The following ST6GALNAC3 variants were observed in gnomAD, a reference collection of about 807,000 sequenced individuals.
ST6GALNAC3 encodes the protein ST6 N-acetylgalactosaminide alpha-2,6-sialyltransferase 3.
ST6GALNAC3 carries 25 observed loss-of-function variants against 32.7 expected under a neutral mutation model. The ratio of observed to expected loss-of-function variants is 0.76; its 90% CI spans 0.56 to 1.07. The LOEUF (loss-of-function observed/expected upper bound fraction) is 1.07. ST6GALNAC3 is among the 50% of genes least tolerant of loss of function. The pLI is 0.00. For missense variants in ST6GALNAC3, 355 were observed against 382.4 expected (o/e 0.93, Z 0.60); for synonymous variants, 129 against 133.1 (o/e 0.97, Z 0.21).
intron 2 of ST6GALNAC3, among the ~76,000 whole-genome samples, chr1:76,405,874 C>A (rs1034478022): frequency 6.6e-6 from 1 of 151,802 alleles, no homozygotes; most frequent in Non-Finnish European, 1.5e-5. Flanking sequence ...ATATTGTTTA[C>A]AAACAAGGAA....
chr1:76,199,009 A>G lies in ST6GALNAC3; in HGVS notation c.19-114796A>G, dbSNP rs76124865. Among the ~76,000 whole-genome samples, 1,316 of 151,850 alleles carry G rather than the reference A, an allele frequency of 8.7e-3. 13 individuals are homozygous for G. Among genetic ancestry groups the G allele is most frequent in the Middle Eastern group, 0.024 (7 of 292 alleles). On this transcript the variant is annotated intron_variant, in intron 1 of 4. Transcript: ENST00000328299. Reference sequence around the variant, plus strand: ...TGAAGAGGAGATTTCAGAGGAGGAAATCTAGGATGTGGCAGTGTCAGACAA... The same window carrying G: ...TGAAGAGGAGATTTCAGAGGAGGAAGTCTAGGATGTGGCAGTGTCAGACAA...
At chr1:76,138,348 GT>G (rs534714397) in intron 1 of ST6GALNAC3, among the ~76,000 whole-genome samples, 6 of 151,932 alleles carry the variant, frequency 3.9e-5, no homozygotes, top group East Asian at 1.9e-4. Flanking sequence ...TTCCTTGAAA[GT>G]TTTTTTTCTT....
intron 1 of ST6GALNAC3, among the ~76,000 whole-genome samples, chr1:76,287,643 C>A (rs866340778): frequency 6.6e-6 from 1 of 152,096 alleles, no homozygotes; most frequent in South Asian, 2.1e-4. Flanking sequence ...TAGCCTAAAT[C>A]GCAGGCATTA....
chr1:76,440,115 C>T (rs1039339599), intron 3 of ST6GALNAC3, among the ~76,000 whole-genome samples: 4 of 152,118 alleles, frequency 2.6e-5, no homozygotes, highest in African/African-American at 9.7e-5. Flanking sequence ...GGACTTTTTA[C>T]AAGGCAAATG....
At chr1:76,281,804 T>G (rs1356101506) in intron 1 of ST6GALNAC3, among the ~76,000 whole-genome samples, 1 of 152,206 alleles carries the variant, frequency 6.6e-6, no homozygotes, top group Non-Finnish European at 1.5e-5. Flanking sequence ...TCATGTGACC[T>G]GGATTCATTA....
intron 2 of ST6GALNAC3, among the ~76,000 whole-genome samples, chr1:76,342,045 T>A (rs976453668): frequency 8.5e-5 from 13 of 152,200 alleles, no homozygotes; most frequent in Admixed American, 1.3e-4. Context: ...GAACTCATCC[T>A]TTTTAATGGC....
At chr1:76,626,026 G>A (rs1648945076) in intron 3 of ST6GALNAC3, among the ~76,000 whole-genome samples, 1 of 151,904 alleles carries the variant, frequency 6.6e-6, no homozygotes, top group Non-Finnish European at 1.5e-5. Flanking sequence ...CCCACTGTGA[G>A]TTTGTGTTTT....
intron 3 of ST6GALNAC3, among the ~76,000 whole-genome samples, chr1:76,515,373 C>T (rs1662110565): frequency 6.6e-6 from 1 of 151,662 alleles, no homozygotes; most frequent in South Asian, 2.1e-4. Context: ...TTAAAAAAAC[C>T]AACTCTTTTG....
intron 1 of ST6GALNAC3, among the ~76,000 whole-genome samples, chr1:76,250,655 G>C (rs993578639): frequency 6.6e-6 from 1 of 152,000 alleles, no homozygotes; most frequent in African/African-American, 2.4e-5. Flanking sequence ...TTATCTAACT[G>C]GCTCTCTCTC....
At chr1:76,487,294 TCTC>T (rs1262520153) in intron 3 of ST6GALNAC3, among the ~76,000 whole-genome samples, 1 of 152,182 alleles carries the variant, frequency 6.6e-6, no homozygotes, top group African/African-American at 2.4e-5. Flanking sequence ...TTGGGGGAGT[TCTC>T]CTGGATAATA....
chr1:76,304,652 G>T (rs1232480456), intron 1 of ST6GALNAC3, among the ~76,000 whole-genome samples: 1 of 152,004 alleles, frequency 6.6e-6, no homozygotes, highest in Non-Finnish European at 1.5e-5. Context: ...CACTTCACTT[G>T]TTACAGAGAG....
At chr1:76,635,846 GTGATGTAT>G (rs1329164426), downstream of ST6GALNAC3, among the ~76,000 whole-genome samples, 1 of 152,096 alleles carries the variant, frequency 6.6e-6, no homozygotes. Flanking sequence ...AAGCCTGGAA[GTGATGTAT>G]ATCACTCCAC....
At chr1:76,594,495 C>G (rs1274267896) in intron 3 of ST6GALNAC3, among the ~76,000 whole-genome samples, 1 of 152,116 alleles carries the variant, frequency 6.6e-6, no homozygotes, top group African/African-American at 2.4e-5. Flanking sequence ...TGTGTGTTAA[C>G]AAATTTAACT....
chr1:76,377,523 C>T (rs919080539), intron 2 of ST6GALNAC3, among the ~76,000 whole-genome samples: 6 of 152,014 alleles, frequency 3.9e-5, no homozygotes, highest in Admixed American at 1.3e-4. Flanking sequence ...CTTGTGAGAA[C>T]TGTACCATGA....
chr1:76,205,964 C>T (rs1459613475), intron 1 of ST6GALNAC3, among the ~76,000 whole-genome samples: 1 of 152,166 alleles, frequency 6.6e-6, no homozygotes, highest in Non-Finnish European at 1.5e-5. Flanking sequence ...CAATTTGGTT[C>T]TTACATTACT....
intron 3 of ST6GALNAC3, among the ~76,000 whole-genome samples, chr1:76,555,315 T>C (rs1664853617): frequency 6.6e-6 from 1 of 152,168 alleles, no homozygotes; most frequent in Non-Finnish European, 1.5e-5. Flanking sequence ...AAATGCAAAG[T>C]AGATACATAA....
At chr1:76,372,410 T>A (rs1054283408) in intron 2 of ST6GALNAC3, among the ~76,000 whole-genome samples, 54 of 152,222 alleles carry the variant, frequency 3.5e-4, no homozygotes, top group African/African-American at 1.3e-3. Context: ...TTATTCACAA[T>A]CGCCAAAACA....
chr1:76,547,653 G>C (rs1301018549), intron 3 of ST6GALNAC3, among the ~76,000 whole-genome samples: 1 of 151,992 alleles, frequency 6.6e-6, no homozygotes, highest in Non-Finnish European at 1.5e-5. Flanking sequence ...AGGAATTTGA[G>C]ACCAGCCTGG....
At chr1:76,076,875 G>A (rs909760443) in intron 1 of ST6GALNAC3, among the ~76,000 whole-genome samples, 2 of 152,318 alleles carry the variant, frequency 1.3e-5, no homozygotes, top group South Asian at 2.1e-4. Context: ...TAATGACAGA[G>A]TGATCCTGGA....
Sources: allele counts gnomAD v4.1 joint callset (sites outside exome capture counted in the v4.1 genomes callset), GRCh38; gene constraint gnomAD v4.1.1; transcripts MANE v1.5; gene names NCBI Gene and HGNC (gene_info 2026-07-23, HGNC 2026-07-21).